The following LHFPL2 variants were observed in gnomAD, a reference collection of about 807,000 sequenced individuals.
LHFPL2 encodes the protein LHFPL tetraspan subfamily member 2 protein.
Under a neutral mutation model 17.5 loss-of-function variants are expected in LHFPL2, and 7 were observed. That is an observed-to-expected ratio of 0.40 (90% CI 0.23 to 0.75). The LOEUF (loss-of-function observed/expected upper bound fraction) is 0.75. LHFPL2 is among the 30% of genes least tolerant of loss of function. The probability of loss-of-function intolerance (pLI) is 0.37; values close to 1 mark genes in which losing one functional copy is unlikely to be tolerated. For missense variants in LHFPL2, 241 were observed against 294.8 expected (o/e 0.82, Z 1.34); for synonymous variants, 134 against 116.2 (o/e 1.15, Z -0.99).
intron 2 of LHFPL2, among the ~76,000 whole-genome samples, chr5:78,613,980 C>T (rs1166040625): frequency 6.6e-6 from 1 of 152,164 alleles, no homozygotes; most frequent in Non-Finnish European, 1.5e-5. Flanking sequence ...GCTTAGGACA[C>T]CCTAAGCAAA....
At chr5:78,540,614 G>A (rs1756082887) in intron 3 of LHFPL2, among the ~76,000 whole-genome samples, 1 of 152,224 alleles carries the variant, frequency 6.6e-6, no homozygotes, top group South Asian at 2.1e-4. Flanking sequence ...GGAGAGATGC[G>A]TGGGAGAATT....
At chr5:78,524,005 A>G (rs2112346801) in intron 3 of LHFPL2, among the ~76,000 whole-genome samples, 1 of 152,280 alleles carries the variant, frequency 6.6e-6, no homozygotes, top group Middle Eastern at 3.4e-3. Flanking sequence ...CGCTGCCAGG[A>G]GTTCAGACAA....
chr5:78,557,673 A>T (rs1262396079), intron 3 of LHFPL2, among the ~76,000 whole-genome samples: 1 of 152,226 alleles, frequency 6.6e-6, no homozygotes, highest in Admixed American at 6.5e-5. Flanking sequence ...CCACAGTTAT[A>T]GAACAATTTG....
At chr5:78,578,927 C>A (rs1450445134) in intron 2 of LHFPL2, among the ~76,000 whole-genome samples, 1 of 152,182 alleles carries the variant, frequency 6.6e-6, no homozygotes, top group African/African-American at 2.4e-5. Flanking sequence ...GAGACGCCAA[C>A]CAAGTCTTGC....
At chr5:78,602,922 T>C (rs1438086909) in intron 2 of LHFPL2, among the ~76,000 whole-genome samples, 2 of 141,834 alleles carry the variant, frequency 1.4e-5, no homozygotes, top group East Asian at 2.0e-4. Flanking sequence ...GACGGAGTCT[T>C]GCTCTGTCAC....
At chr5:78,613,106 G>A (rs1475699345) in intron 2 of LHFPL2, among the ~76,000 whole-genome samples, 1 of 152,226 alleles carries the variant, frequency 6.6e-6, no homozygotes, top group Non-Finnish European at 1.5e-5. Flanking sequence ...CTGAGGGGCA[G>A]GGGCAAGGCC....
At chr5:78,637,569 C>T (rs1392602782) in intron 1 of LHFPL2, among the ~76,000 whole-genome samples, 2 of 152,240 alleles carry the variant, frequency 1.3e-5, no homozygotes, top group East Asian at 3.8e-4. Context: ...GAGGCCAGCC[C>T]TAAGTAGCAG....
chr5:78,629,384 A>G (rs1023872709), intron 2 of LHFPL2, among the ~76,000 whole-genome samples: 13 of 152,260 alleles, frequency 8.5e-5, no homozygotes, highest in Admixed American at 7.2e-4. Flanking sequence ...TGGTCACCCA[A>G]TCACAGCTGA....
chr5:78,623,605 T>C (rs1744934669), intron 2 of LHFPL2, among the ~76,000 whole-genome samples: 1 of 152,088 alleles, frequency 6.6e-6, no homozygotes, highest in Admixed American at 6.6e-5. Flanking sequence ...TAAAATACCC[T>C]CCATAAATGC....
At chr5:78,527,517 A>C (rs2112352381) in intron 3 of LHFPL2, among the ~76,000 whole-genome samples, 1 of 152,202 alleles carries the variant, frequency 6.6e-6, no homozygotes, top group Middle Eastern at 3.4e-3. Context: ...TTAACTCAAA[A>C]GGATCAGAAA....
At chr5:78,526,972 G>A (rs1755638500) in intron 3 of LHFPL2, among the ~76,000 whole-genome samples, 1 of 152,210 alleles carries the variant, frequency 6.6e-6, no homozygotes, top group Non-Finnish European at 1.5e-5. Flanking sequence ...ATAGGTAGTT[G>A]AGGTTAGAAA....
intron 4 of LHFPL2, among the ~76,000 whole-genome samples, chr5:78,498,020 G>A (rs78182535): frequency 0.032 from 4,925 of 152,274 alleles, 222 homozygotes; most frequent in African/African-American, 0.11. Context: ...CTGGCCAGGA[G>A]AGGAGCAGCA....
chr5:78,556,532 T>C (rs1202543120), intron 3 of LHFPL2, among the ~76,000 whole-genome samples: 2 of 152,174 alleles, frequency 1.3e-5, no homozygotes, highest in Non-Finnish European at 2.9e-5. Flanking sequence ...GGGCCCAACT[T>C]TCCTGGAAAT....
intron 2 of LHFPL2, among the ~76,000 whole-genome samples, chr5:78,573,254 A>T (rs1339202828): frequency 6.6e-6 from 1 of 152,248 alleles, no homozygotes; most frequent in Non-Finnish European, 1.5e-5. Context: ...AACCCAATCC[A>T]TGAGGAGAAA....
At chr5:78,572,570 C>T (rs541911679) in intron 2 of LHFPL2, among the ~76,000 whole-genome samples, 16 of 150,986 alleles carry the variant, frequency 1.1e-4, no homozygotes, top group Middle Eastern at 3.4e-3. Context: ...TATATGAGGA[C>T]ATTGTAAGAC....
chr5:78,637,042 A>C (rs1745474069), intron 1 of LHFPL2, among the ~76,000 whole-genome samples: 1 of 152,212 alleles, frequency 6.6e-6, no homozygotes, highest in African/African-American at 2.4e-5. Context: ...ATACTCCTCT[A>C]AATTGGTTTT....
intron 3 of LHFPL2, among the ~76,000 whole-genome samples, chr5:78,536,795 G>A (rs980906706): frequency 2.1e-4 from 32 of 152,118 alleles, no homozygotes; most frequent in Non-Finnish European, 4.4e-4. Context: ...CCTTATATAA[G>A]TGCCACCACC....
intron 3 of LHFPL2, among the ~76,000 whole-genome samples, chr5:78,519,638 A>G (rs1005993): frequency 0.27 from 41,059 of 152,116 alleles, 5,837 homozygotes; most frequent in East Asian, 0.47. Context: ...GTAATAGCCT[A>G]CCGCATAGGG....
intron 2 of LHFPL2, among the ~76,000 whole-genome samples, chr5:78,613,391 G>T (rs1451157576): frequency 6.6e-6 from 1 of 152,156 alleles, no homozygotes; most frequent in Non-Finnish European, 1.5e-5. Context: ...TGTATGGTGA[G>T]AAAAGGATTC....
Sources: gnomAD v4.1 joint callset for allele counts (sites outside exome capture counted in the v4.1 genomes callset) on GRCh38, gnomAD v4.1.1 for gene constraint, MANE v1.5 for transcripts, NCBI Gene and HGNC (gene_info 2026-07-23, HGNC 2026-07-21) for gene names.